KSR1: variants seen among roughly 807,000 people sequenced by gnomAD.
The protein encoded by KSR1 is kinase suppressor of ras 1.
A neutral mutation model predicts 92.9 loss-of-function variants in KSR1; 35 were observed. The ratio of observed to expected loss-of-function variants is 0.38; its 90% CI spans 0.29 to 0.50. The LOEUF is 0.50. Ranked by LOEUF, KSR1 falls within the 20% of genes least tolerant of loss-of-function variation. The pLI is 0.94. For missense variants in KSR1, 972 were observed against 1,158.5 expected (o/e 0.84, Z 2.34); for synonymous variants, 467 against 472.6 (o/e 0.99, Z 0.15).
At chr17:27,566,235 C>A (rs2072060081) in intron 2 of KSR1, among the ~76,000 whole-genome samples, 3 of 152,326 alleles carry the variant, frequency 2.0e-5, no homozygotes, top group Non-Finnish European at 4.4e-5. Flanking sequence ...TGGTCCCCAG[C>A]CCCTGCTGCA....
In KSR1 at chr17:27,610,128, C is replaced by T. The variant is rs1598144574; in HGVS notation, c.2287C>T (p.Arg763Cys). Reference sequence around the variant, plus strand: ...GTGCTATCTGGCCCCTGAGATTGTACGCGAGATGACCCCCGGGAAGGACGA... The same window carrying T: ...GTGCTATCTGGCCCCTGAGATTGTATGCGAGATGACCCCCGGGAAGGACGA... ...WLCYLAPEIV[R>C]EMTPGKDEDQ... The change falls in exon 17 of 21, where the codon CGC becomes TGC. Residue 763 changes from arginine (R) to cysteine (C), a missense_variant. Transcript: ENST00000644974. 11 of 1,613,904 alleles carry T rather than the reference C, an allele frequency of 6.8e-6. No homozygotes were observed. The highest frequency in any genetic ancestry group is 1.1e-5 in the South Asian group (1 of 91,090).
chr17:27,474,469 A>G (rs2068279595), intron 1 of KSR1, among the ~76,000 whole-genome samples: 1 of 152,206 alleles, frequency 6.6e-6, no homozygotes, highest in Non-Finnish European at 1.5e-5. Context: ...GCCTGGATTC[A>G]GGCTGCACTG....
chr17:27,457,848 C>T (rs1259215498), intron 1 of KSR1, among the ~76,000 whole-genome samples: 1 of 152,136 alleles, frequency 6.6e-6, no homozygotes, highest in Non-Finnish European at 1.5e-5. Flanking sequence ...CACATCTGGC[C>T]TCCTGCAGGT....
intron 1 of KSR1, among the ~76,000 whole-genome samples, chr17:27,534,315 A>C (rs1346892540): frequency 6.6e-6 from 1 of 152,260 alleles, no homozygotes; most frequent in Non-Finnish European, 1.5e-5. Context: ...GTCATCCAGG[A>C]ATGTGTTTAA....
At chr17:27,567,251 C>T (rs2072113010) in intron 2 of KSR1, among the ~76,000 whole-genome samples, 2 of 152,094 alleles carry the variant, frequency 1.3e-5, no homozygotes, top group Admixed American at 6.6e-5. Flanking sequence ...GTTAGGGTGT[C>T]GCTGGTGACG....
intron 2 of KSR1, among the ~76,000 whole-genome samples, chr17:27,565,519 G>A (rs1220649128): frequency 6.6e-6 from 1 of 152,198 alleles, no homozygotes; most frequent in African/African-American, 2.4e-5. Flanking sequence ...CCATCTTTTG[G>A]CCTCAAGCAA....
At chr17:27,608,118 C>T (rs2151239936) in intron 15 of KSR1, 108 bp downstream of exon 15, 1 of 740,810 alleles carries the variant, frequency 1.3e-6, no homozygotes, top group Middle Eastern at 2.7e-4. Context: ...GCAGCTTTGC[C>T]TCTCCTTCTA....
rs951025931 is a variant in KSR1, at chr17:27,577,739, G to T, written c.520+100G>T. 4.9e-6 allele frequency: 5 copies of T among 1,015,422 alleles called. No homozygotes were observed. The African/African-American group carries it at 7.9e-5, about 16-fold the overall frequency. 62.9% of individuals were successfully genotyped at this position (1,015,422 alleles called of 1,614,324 possible). ...ATGGAGCGGGGCAAGCGTGGCCCAG[G>T]GTTTCTGGGGCAGCCTGGAAAGGCC... On this transcript the variant is annotated intron_variant, in intron 3 of 20. Coordinates refer to ENST00000644974, the MANE Select transcript of KSR1 (RefSeq NM_001394583.1). This position sits in a 1 kb window ranked among gnomAD's most constrained non-coding sequence, Gnocchi z 4.5.
intron 1 of KSR1, among the ~76,000 whole-genome samples, chr17:27,499,341 G>A (rs2069097914): frequency 6.6e-6 from 1 of 152,184 alleles, no homozygotes; most frequent in South Asian, 2.1e-4. Flanking sequence ...TGGGAACCTG[G>A]TTATTACCAT....
At chr17:27,544,924 T>C (rs2948528) in intron 1 of KSR1, among the ~76,000 whole-genome samples, 62,293 of 152,128 alleles carry the variant, frequency 0.41, 13,408 homozygotes, top group African/African-American at 0.54. Context: ...TGGCTGCCTG[T>C]AGGCCACCTC....
At chr17:27,537,225 A>G (rs2070782720) in intron 1 of KSR1, among the ~76,000 whole-genome samples, 2 of 152,360 alleles carry the variant, frequency 1.3e-5, no homozygotes, top group South Asian at 2.1e-4. Context: ...TCAGGGTAGA[A>G]CAAGGATTCC....
intron 5 of KSR1, chr17:27,587,425 T>C (rs1184303356): frequency 6.6e-6 from 1 of 152,132 alleles, no homozygotes; most frequent in Non-Finnish European, 1.5e-5. Context: ...GACCAGCACT[T>C]GGGATTGAGG....
intron 2 of KSR1, among the ~76,000 whole-genome samples, chr17:27,576,878 C>T (rs939239259): frequency 2.4e-4 from 37 of 152,260 alleles, no homozygotes; most frequent in Admixed American, 2.2e-3. Flanking sequence ...CACAAGACCA[C>T]CTTAAAATTC....
At position 27,589,187 on chromosome 17, in the gene KSR1, C is replaced by T. The variant is rs192926052; in HGVS notation, c.1046+652C>T. 3.9e-4 allele frequency among the ~76,000 whole-genome samples: 60 copies of T among 152,302 alleles called. No individual in the cohort carries two copies. The East Asian group carries it at 4.8e-3, about 12-fold the overall frequency. On this transcript the variant is annotated intron_variant, in intron 6 of 20. Transcript: ENST00000644974. ...GGATCTCTGCTACCTTCCATTTACA[C>T]GGCGTATCTGTGATCCTTCCCAAAT...
chr17:27,592,646 G>T lies in KSR1; in HGVS notation c.1299+20G>T. The T allele has an allele frequency of 6.2e-7, 1 of 1,600,684 alleles. No individual in the cohort carries two copies. On this transcript the variant is annotated intron_variant, in intron 9 of 20. Coordinates refer to ENST00000644974, the MANE Select transcript of KSR1 (RefSeq NM_001394583.1). ...AAGAAGGTACGCTGGGTAATGCTGGGGAGGACGCCCTTCTGCCACTGGCCT... is the reference window on the plus strand; with the variant it reads ...AAGAAGGTACGCTGGGTAATGCTGGTGAGGACGCCCTTCTGCCACTGGCCT...
intron 1 of KSR1, among the ~76,000 whole-genome samples, chr17:27,474,130 C>G (rs1313728302): frequency 6.6e-6 from 1 of 152,206 alleles, no homozygotes; most frequent in Admixed American, 6.5e-5. Flanking sequence ...ACTTAGGCGG[C>G]CTCAAATGAC....
intron 1 of KSR1, among the ~76,000 whole-genome samples, chr17:27,506,351 C>T (rs1291033676): frequency 6.6e-6 from 1 of 152,248 alleles, no homozygotes; most frequent in Non-Finnish European, 1.5e-5. Flanking sequence ...CATGACTCCA[C>T]TGCAATAATT....
At chr17:27,553,043 G>T (rs1301334653) in intron 2 of KSR1, among the ~76,000 whole-genome samples, 1 of 152,192 alleles carries the variant, frequency 6.6e-6, no homozygotes, top group Non-Finnish European at 1.5e-5. Context: ...ACACCTGACT[G>T]TGAGTCCTCC....
rs376316024 is a variant in KSR1 at position 27,617,513 on chromosome 17, T to C, written c.2627+85T>C. 49 of 1,475,796 alleles carry C rather than the reference T, an allele frequency of 3.3e-5. No individual in the cohort carries two copies. The African/African-American group carries it at 3.5e-4, about 11-fold the overall frequency. 91.4% of individuals were successfully genotyped at this position (1,475,796 alleles called of 1,614,324 possible). The stretch of plus-strand genomic sequence containing the variant: ...CTTAGAGGGCACCTTCTGATCTTTC[T>C]GCCCAAGACTTTGTTTTTTGGGGTT... On this transcript the variant is annotated intron_variant, in intron 19 of 20. Coordinates refer to ENST00000644974, the MANE Select transcript of KSR1 (RefSeq NM_001394583.1).
Sources: allele counts gnomAD v4.1 joint callset (sites outside exome capture counted in the v4.1 genomes callset), GRCh38; gene constraint gnomAD v4.1.1; non-coding constraint Gnocchi (gnomAD v3.1); transcripts MANE v1.5; gene names NCBI Gene and HGNC (gene_info 2026-07-23, HGNC 2026-07-21).